Variants in PTH2R observed in about 807,000 individuals in gnomAD.
PTH2R encodes parathyroid hormone 2 receptor, also known as PTH2 receptor.
A neutral mutation model predicts 60.3 loss-of-function variants in PTH2R; 59 were observed. That is an observed-to-expected ratio of 0.98 (90% CI 0.79 to 1.22). PTH2R has a LOEUF of 1.22. Among genes scored for constraint, PTH2R ranks in the 50% most tolerant of loss-of-function variants. The probability of loss-of-function intolerance (pLI) is 0.00; values close to 1 mark genes in which losing one functional copy is unlikely to be tolerated. For missense variants in PTH2R, 749 were observed against 682.6 expected, an observed-to-expected ratio of 1.10 and a Z score of -1.08; for synonymous variants, 256 against 243.8, an observed-to-expected ratio of 1.05 and a Z score of -0.47.
intron 4 of PTH2R, among the ~76,000 whole-genome samples, chr2:208,438,976 T>C (rs1702130919): frequency 6.6e-6 from 1 of 152,186 alleles, no homozygotes; most frequent in Non-Finnish European, 1.5e-5. Flanking sequence ...TACTCTACAA[T>C]GGAACTAACA....
At position 208,460,108 on chromosome 2, in the gene PTH2R, G is replaced by A. The variant is rs1702604205; in HGVS notation, c.981+147G>A. On this transcript the variant is annotated intron_variant, in intron 9 of 12. Coordinates refer to ENST00000272847, the MANE Select transcript of PTH2R (RefSeq NM_005048.4). ...ACATCTATTGGGAGAGTCTGGGACA[G>A]AGATCAGACCCTTATTGTGACTGAC... 4.5e-6 allele frequency: 3 copies of A among 671,394 alleles called. 1 individual carries two copies. The East Asian group carries it at 8.2e-5, about 18-fold the overall frequency. 41.6% of individuals were successfully genotyped at this position (671,394 alleles called of 1,614,324 possible).
intron 2 of PTH2R, among the ~76,000 whole-genome samples, chr2:208,428,949 G>A (rs186226755): frequency 1.1e-3 from 166 of 152,238 alleles, no homozygotes; most frequent in African/African-American, 2.8e-3. Context: ...GCTGGGCGTG[G>A]TGGCGCATGC....
intron 1 of PTH2R, among the ~76,000 whole-genome samples, chr2:208,417,700 C>G (rs1014756082): frequency 1.3e-5 from 2 of 151,846 alleles, no homozygotes; most frequent in African/African-American, 2.4e-5. Flanking sequence ...TGGGCACATG[C>G]CACCATGCCC....
At chr2:208,409,587 T>G (rs1040152204) in intron 1 of PTH2R, among the ~76,000 whole-genome samples, 2 of 152,170 alleles carry the variant, frequency 1.3e-5, no homozygotes, top group Admixed American at 1.3e-4. Context: ...CAAAGGGAAC[T>G]CACCCAGGCA....
At chr2:208,471,500 C>T (rs1702879342) in intron 9 of PTH2R, among the ~76,000 whole-genome samples, 1 of 152,220 alleles carries the variant, frequency 6.6e-6, no homozygotes, top group South Asian at 2.1e-4. Context: ...AAGCCCCAAG[C>T]CTTGGCAGCT....
chr2:208,438,779 G>A (rs1287402302), intron 4 of PTH2R, among the ~76,000 whole-genome samples: 1 of 152,062 alleles, frequency 6.6e-6, no homozygotes, highest in East Asian at 1.9e-4. Flanking sequence ...TTGGGGAGGT[G>A]GGGGGAGAAC....
chr2:208,427,792 T>C (rs1051828338), intron 1 of PTH2R, among the ~76,000 whole-genome samples: 3 of 151,914 alleles, frequency 2.0e-5, no homozygotes, highest in Admixed American at 6.5e-5. Flanking sequence ...AATTGTATCA[T>C]GTTAGATGGA....
At chr2:208,366,331 G>T (rs981187158) in intron 1 of PTH2R, among the ~76,000 whole-genome samples, 3 of 151,998 alleles carry the variant, frequency 2.0e-5, no homozygotes, top group Admixed American at 6.6e-5. Flanking sequence ...TGTTGGTATA[G>T]TTCATAGTCT....
intron 10 of PTH2R, among the ~76,000 whole-genome samples, chr2:208,485,596 T>G (rs1703254726): frequency 6.6e-6 from 1 of 152,192 alleles, no homozygotes; most frequent in African/African-American, 2.4e-5. Context: ...CTAGCAAAGC[T>G]CATCAGTATT....
At chr2:208,465,654 C>T (rs969735554) in intron 9 of PTH2R, among the ~76,000 whole-genome samples, 7 of 151,950 alleles carry the variant, frequency 4.6e-5, no homozygotes, top group African/African-American at 1.5e-4. Context: ...CCGCCCGCCT[C>T]GGCCTCCCAA....
intron 1 of PTH2R, among the ~76,000 whole-genome samples, chr2:208,389,593 C>T (rs1215089437): frequency 1.3e-5 from 2 of 152,126 alleles, no homozygotes; most frequent in African/African-American, 4.8e-5. Flanking sequence ...ATAGTACCTT[C>T]CCTATGTCTA....
intron 9 of PTH2R, among the ~76,000 whole-genome samples, chr2:208,467,933 C>G (rs1702791723): frequency 1.3e-5 from 2 of 152,292 alleles, no homozygotes; most frequent in South Asian, 4.1e-4. Flanking sequence ...AAAGTGAAAT[C>G]TCTTCCCCCA....
chr2:208,456,105 G>C (rs1395302918), intron 8 of PTH2R, among the ~76,000 whole-genome samples: 1 of 152,022 alleles, frequency 6.6e-6, no homozygotes, highest in Non-Finnish European at 1.5e-5. Context: ...AGCTGGGCGT[G>C]GTGGTGCGTG....
At chr2:208,462,951 A>T (rs1702663256) in intron 9 of PTH2R, among the ~76,000 whole-genome samples, 1 of 152,254 alleles carries the variant, frequency 6.6e-6, no homozygotes, top group African/African-American at 2.4e-5. Flanking sequence ...TAGACATTGG[A>T]AAGTGAAGGA....
chr2:208,443,187 T>C (rs1421882727), intron 5 of PTH2R, among the ~76,000 whole-genome samples, 161 bp from the exon 6 acceptor site: 1 of 152,242 alleles, frequency 6.6e-6, no homozygotes, highest in Non-Finnish European at 1.5e-5. Flanking sequence ...CTATATCATA[T>C]AAAGGACTTG....
At chr2:208,387,366 G>A (rs566567107) in intron 1 of PTH2R, among the ~76,000 whole-genome samples, 1 of 152,070 alleles carries the variant, frequency 6.6e-6, no homozygotes, top group Non-Finnish European at 1.5e-5. Context: ...GCACATACAG[G>A]CATCCACATC....
intron 1 of PTH2R, among the ~76,000 whole-genome samples, chr2:208,415,460 A>G (rs1701622315): frequency 6.6e-6 from 1 of 152,176 alleles, no homozygotes; most frequent in Non-Finnish European, 1.5e-5. Context: ...TCATAACTTG[A>G]CATATTTCAA....
chr2:208,482,537 A>G (rs1422314865), intron 10 of PTH2R, among the ~76,000 whole-genome samples: 4 of 152,228 alleles, frequency 2.6e-5, no homozygotes, highest in African/African-American at 9.6e-5. Context: ...AGAATTTACA[A>G]TATAGTGTGT....
chr2:208,492,695 T>C (rs1703430844), intron 12 of PTH2R, among the ~76,000 whole-genome samples: 1 of 152,124 alleles, frequency 6.6e-6, no homozygotes, highest in Admixed American at 6.5e-5. Flanking sequence ...GTAAATGCCC[T>C]AAGAAAGGGG....
Sources: allele counts gnomAD v4.1 joint callset (sites outside exome capture counted in the v4.1 genomes callset), GRCh38; gene constraint gnomAD v4.1.1; transcripts MANE v1.5; gene names NCBI Gene and HGNC (gene_info 2026-07-23, HGNC 2026-07-21).